SCFD2: variants seen among roughly 807,000 people sequenced by gnomAD.
The protein encoded by SCFD2 is sec1 family domain containing 2, also known as sec1 family domain-containing protein 2.
Under a neutral mutation model 58.9 loss-of-function variants are expected in SCFD2, and 54 were observed. The ratio of observed to expected loss-of-function variants is 0.92; its 90% CI spans 0.74 to 1.15. The LOEUF (loss-of-function observed/expected upper bound fraction) is 1.15, where lower values mean the gene tolerates loss of function less well. Ranked by LOEUF, SCFD2 falls within the 50% of genes most tolerant of loss-of-function variation. The probability of loss-of-function intolerance (pLI) is 0.00; values close to 1 mark genes in which losing one functional copy is unlikely to be tolerated. For missense variants in SCFD2, 805 were observed against 836.6 expected (o/e 0.96, Z 0.47); for synonymous variants, 321 against 335.9 (o/e 0.96, Z 0.49).
intron 3 of SCFD2, among the ~76,000 whole-genome samples, chr4:53,284,551 C>T (rs1006496079): frequency 7.5e-4 from 85 of 114,066 alleles, no homozygotes; most frequent in African/African-American, 2.3e-3. Flanking sequence ...GTAGAATGGA[C>T]AGATGTGTAT....
At chr4:52,979,243 C>A (rs1225099958) in intron 5 of SCFD2, among the ~76,000 whole-genome samples, 1 of 152,056 alleles carries the variant, frequency 6.6e-6, no homozygotes, top group Non-Finnish European at 1.5e-5. Flanking sequence ...ACCAGCGGTG[C>A]AGGTTTTCTA....
chr4:52,927,607 C>T (rs935930427), intron 5 of SCFD2, among the ~76,000 whole-genome samples: 1 of 152,208 alleles, frequency 6.6e-6, no homozygotes, highest in Non-Finnish European at 1.5e-5. Context: ...TGAGTTCATA[C>T]TTCATCAGTA....
At chr4:52,934,925 G>T (rs301113) in intron 5 of SCFD2, among the ~76,000 whole-genome samples, 20,263 of 152,192 alleles carry the variant, frequency 0.13, 2,836 homozygotes, top group African/African-American at 0.36. Context: ...CCATAGAACT[G>T]TCTGCAATGA....
At chr4:53,259,082 C>T (rs1730747609) in intron 4 of SCFD2, among the ~76,000 whole-genome samples, 1 of 151,040 alleles carries the variant, frequency 6.6e-6, no homozygotes, top group African/African-American at 2.4e-5. Context: ...GTTTCTTCTG[C>T]TGATTTGTTT....
chr4:53,123,906 G>A (rs554171758), intron 5 of SCFD2, among the ~76,000 whole-genome samples: 51 of 152,274 alleles, frequency 3.3e-4, no homozygotes, highest in Non-Finnish European at 6.0e-4. Flanking sequence ...GGTGATTCTG[G>A]CTTGCAGAAT....
chr4:52,926,155 C>T (rs1035563209), intron 5 of SCFD2, among the ~76,000 whole-genome samples: 1 of 152,040 alleles, frequency 6.6e-6, no homozygotes, highest in African/African-American at 2.4e-5. Context: ...TGAAATGAAG[C>T]TCTACTCCTT....
At position 52,891,803 on chromosome 4, in the gene SCFD2, A is replaced by T. The variant is rs543423265; in HGVS notation, c.1843-5937T>A. 5.9e-5 allele frequency among the ~76,000 whole-genome samples: 9 copies of T among 152,316 alleles called. No homozygotes were observed. In the South Asian group the frequency reaches 1.2e-3, roughly 21 times the overall value. ...TGTCGGCTATTCAGCTTGACCTCTC[A>T]TCTGCTGCAGTTGATGACTTCCTTT... On this transcript the variant is annotated intron_variant, in intron 7 of 8. Coordinates refer to ENST00000401642, the MANE Select transcript of SCFD2 (RefSeq NM_152540.4).
intron 4 of SCFD2, among the ~76,000 whole-genome samples, chr4:53,253,874 A>G (rs939730397): frequency 6.6e-6 from 1 of 151,376 alleles, no homozygotes; most frequent in African/African-American, 2.4e-5. Flanking sequence ...ATGTACCCTA[A>G]AACTTAAAGT....
chr4:52,918,961 C>T (rs1719670165), intron 6 of SCFD2, among the ~76,000 whole-genome samples: 1 of 152,182 alleles, frequency 6.6e-6, no homozygotes, highest in African/African-American at 2.4e-5. Context: ...CTCCACTTCC[C>T]ACTCACTGAC....
At chr4:53,296,267 T>C (rs1248615540) in intron 3 of SCFD2, among the ~76,000 whole-genome samples, 1 of 152,190 alleles carries the variant, frequency 6.6e-6, no homozygotes, top group African/African-American at 2.4e-5. Context: ...TCTCTGGTCC[T>C]GGACTTTTTT....
At chr4:53,177,454 T>A (rs1460549901) in intron 4 of SCFD2, among the ~76,000 whole-genome samples, 1 of 152,050 alleles carries the variant, frequency 6.6e-6, no homozygotes, top group African/African-American at 2.4e-5. Context: ...TGTTTGTTTG[T>A]TTGTTTTGTA....
chr4:53,237,501 G>A (rs1303084192), intron 4 of SCFD2, among the ~76,000 whole-genome samples: 3 of 48,422 alleles, frequency 6.2e-5, no homozygotes, highest in South Asian at 1.1e-3. Context: ...CCGGACGGGC[G>A]GCTGGCCGGG....
At chr4:52,900,868 C>T (rs192863907) in intron 7 of SCFD2, among the ~76,000 whole-genome samples, 37 of 152,314 alleles carry the variant, frequency 2.4e-4, no homozygotes, top group African/African-American at 3.8e-4. Context: ...GCCTCGCTGC[C>T]GCCTTGCAGT....
At chr4:53,063,510 C>T (rs1723573776) in intron 5 of SCFD2, among the ~76,000 whole-genome samples, 1 of 151,972 alleles carries the variant, frequency 6.6e-6, no homozygotes, top group African/African-American at 2.4e-5. Context: ...TTTAATGATC[C>T]TAACGAACAA....
Position 52,948,412 on chromosome 4 carries a change from G to A in SCFD2, c.1562-27542C>T, listed in dbSNP as rs1259726699. On this transcript the variant is annotated intron_variant, in intron 5 of 8. Transcript: ENST00000401642. The stretch of plus-strand genomic sequence containing the variant: ...TCAAAGGGCCTGGACTCACGAGCTA[G>A]CAACTTTGGACAGATTCTTGAACTC... The A allele has an allele frequency of 9.4e-6, 4 of 424,248 alleles. No homozygotes were observed. The East Asian group carries it at 2.9e-4, about 30-fold the overall frequency. 26.3% of individuals were successfully genotyped at this position (424,248 alleles called of 1,614,324 possible). A position where few individuals can be genotyped will look rare whatever the true frequency, so the allele number is the denominator to read the frequency against.
chr4:52,879,899 A>G (rs534313482), intron 8 of SCFD2, among the ~76,000 whole-genome samples: 21 of 152,300 alleles, frequency 1.4e-4, no homozygotes, highest in South Asian at 6.2e-4. Context: ...TACATTTGGG[A>G]GATTCTTCCC....
intron 3 of SCFD2, among the ~76,000 whole-genome samples, chr4:53,301,682 C>T (rs1331577634): frequency 6.6e-6 from 1 of 152,172 alleles, no homozygotes; most frequent in Non-Finnish European, 1.5e-5. Context: ...CATTGATGAA[C>T]ATCGATGCAA....
chr4:53,216,036 G>A (rs1047942297), intron 4 of SCFD2, among the ~76,000 whole-genome samples: 2 of 152,182 alleles, frequency 1.3e-5, no homozygotes, highest in African/African-American at 4.8e-5. Context: ...TGTGCTGCTG[G>A]ATTCGGTTCA....
intron 4 of SCFD2, among the ~76,000 whole-genome samples, chr4:53,155,359 C>T (rs1726644672): frequency 6.6e-6 from 1 of 152,216 alleles, no homozygotes; most frequent in Non-Finnish European, 1.5e-5. Flanking sequence ...ATTCAGCCCT[C>T]TCTTGCTCTC....
Sources: gnomAD v4.1 joint callset for allele counts (sites outside exome capture counted in the v4.1 genomes callset) on GRCh38, gnomAD v4.1.1 for gene constraint, MANE v1.5 for transcripts, NCBI Gene and HGNC (gene_info 2026-07-23, HGNC 2026-07-21) for gene names.